Variants in BIRC3 observed in about 807,000 individuals in gnomAD.
BIRC3 encodes the protein baculoviral IAP repeat-containing protein 3.
A neutral mutation model predicts 59.0 loss-of-function variants in BIRC3; 26 were observed. That is an observed-to-expected ratio of 0.44 (90% CI 0.32 to 0.61). BIRC3 has a LOEUF of 0.61. Among genes scored for constraint, BIRC3 ranks in the 20% least tolerant of loss-of-function variants. The probability of loss-of-function intolerance (pLI) is 0.04; values close to 1 mark genes in which losing one functional copy is unlikely to be tolerated. For synonymous variants in BIRC3, 243 were observed against 249.2 expected, an observed-to-expected ratio of 0.98 and a Z score of 0.24; for missense variants, 641 against 711.5, an observed-to-expected ratio of 0.90 and a Z score of 1.13.
chr11:102,337,038 C>T lies in BIRC3; in HGVS notation c.1751C>T (p.Ser584Phe). 5 of 1,599,020 alleles carry T rather than the reference C, an allele frequency of 3.1e-6. No individual in the cohort carries two copies. The South Asian group carries it at 4.6e-5, about 15-fold the overall frequency. ...HLVVCKDCAP[S>F]LRKCPICRST... Reference sequence around the variant, plus strand: ...GTAGTATGCAAAGATTGTGCTCCTTCTTTAAGAAAGTGTCCTATTTGTAGG... The same window carrying T: ...GTAGTATGCAAAGATTGTGCTCCTTTTTTAAGAAAGTGTCCTATTTGTAGG... Residue 584 changes from serine to phenylalanine, a missense_variant, in exon 9 of 9, where the codon TCT becomes TTT. Physicochemically the swap from Ser to Phe is radical, Grantham distance 155 (BLOSUM62 -2). Around this residue, in one of 4 missense-constraint regions of BIRC3, gnomAD observed 41 missense variants for 73.4 expected, o/e 0.56. Transcript: ENST00000263464.
At position 102,324,400 on chromosome 11, in the gene BIRC3, T is replaced by C; in HGVS notation, c.-110T>C. 2 of 1,268,926 alleles carry C rather than the reference T, an allele frequency of 1.6e-6. No homozygotes were observed. The highest frequency in any genetic ancestry group is 2.1e-6 in the Non-Finnish European group (2 of 940,120). 78.6% of individuals were successfully genotyped at this position (1,268,926 alleles called of 1,614,324 possible). ...CATAGAAATAAAAATAATAAAAAAT[T>C]TTTCATTTTGGCTTTTCAGCCTAGT... On this transcript the variant is annotated 5_prime_UTR_variant, in exon 2 of 9. Coordinates refer to ENST00000263464, the MANE Select transcript of BIRC3 (RefSeq NM_001165.5).
In BIRC3 at chr11:102,338,579, G is replaced by A. The variant is rs1176764440; in HGVS notation, c.*1477G>A. ...ATATGATCTAATGGGAATAGACACA[G>A]GTTGGGGACCCAGCAAGGCCTGTCT... is the stretch of plus-strand genomic sequence containing the variant. On this transcript the variant is annotated 3_prime_UTR_variant, in exon 9 of 9. Transcript: ENST00000263464. 4.4e-6 allele frequency: 1 copy of A among 229,042 alleles called. No individual in the cohort carries two copies. Among genetic ancestry groups the A allele is most frequent in the African/African-American group, 2.2e-5 (1 of 45,084 alleles). The allele number at this position is 229,042 out of a possible 1,614,324, so 14.2% of individuals were successfully genotyped here.
chr11:102,331,299 T>A (rs1022185621), intron 6 of BIRC3, 58 bp downstream of exon 6: 133 of 1,456,026 alleles, frequency 9.1e-5, no homozygotes, highest in Middle Eastern at 2.2e-4. Context: ...AGTCTATATG[T>A]TATGAAAAAT....
At position 102,331,192 on chromosome 11, in the gene BIRC3, T is replaced by G; in HGVS notation, c.1275T>G (p.Asp425Glu). Residue 425 changes from aspartate to glutamate, a missense_variant, in exon 6 of 9, where the codon GAT becomes GAG. This residue lies in a region of BIRC3 where 268 missense variants were observed against 255.7 expected (regional missense o/e 1.05). Transcript: ENST00000263464. ...DLVLDLLNAE[D>E]EIREEERERA... ...TGTTAGACTTACTCAATGCAGAAGA[T>G]GAAATAAGGGAAGAGGAGAGAGAAA... 1 of 1,613,276 alleles carries G rather than the reference T, an allele frequency of 6.2e-7. No individual in the cohort carries two copies. Among genetic ancestry groups the G allele is most frequent in the Non-Finnish European group, 8.5e-7 (1 of 1,179,724 alleles).
chr11:102,337,689 G>T lies in BIRC3; in HGVS notation c.*587G>T. ...TTTAGGGACATGGTGTTTTTATAAA[G>T]AATTCTGTGAGAAAAAATTTAATAA... On this transcript the variant is annotated 3_prime_UTR_variant, in exon 9 of 9. Coordinates refer to ENST00000263464, the MANE Select transcript of BIRC3 (RefSeq NM_001165.5). 3.5e-6 allele frequency: 1 copy of T among 289,300 alleles called. No homozygotes were observed. Among genetic ancestry groups the T allele is most frequent in the Non-Finnish European group, 6.4e-6 (1 of 157,028 alleles). The allele number at this position is 289,300 out of a possible 1,614,324, so 17.9% of individuals were successfully genotyped here.
chr11:102,321,026 G>A (rs1437483797), intron 1 of BIRC3, among the ~76,000 whole-genome samples: 1 of 152,210 alleles, frequency 6.6e-6, no homozygotes, highest in Non-Finnish European at 1.5e-5. Context: ...ATTTAAACAT[G>A]TTGGCAATTA....
Position 102,328,899 on chromosome 11 carries a change from G to A in BIRC3, c.1035G>A (p.Leu345=). 3 of 1,305,646 alleles carry A rather than the reference G, an allele frequency of 2.3e-6. No homozygotes were observed. The highest frequency in any genetic ancestry group is 3.0e-6 in the Non-Finnish European group (3 of 1,007,978). The allele number at this position is 1,305,646 out of a possible 1,614,324, so 80.9% of individuals were successfully genotyped here. A position where few individuals can be genotyped will look rare whatever the true frequency, so the allele number is the denominator to read the frequency against. The change falls in exon 5 of 9, where the codon CTG becomes CTA. Residue 345 remains leucine, a splice_region_variant and synonymous_variant. Coordinates refer to ENST00000263464, the MANE Select transcript of BIRC3 (RefSeq NM_001165.5). ...QASYPHLLEQ[L]LSTSDSPGDE... is the part of the protein sequence containing the mutation. ...ATATATATTTTTTTTTTCTGCAGCT[G>A]CTATCCACATCAGACAGCCCAGGAG...
chr11:102,326,957 T>A (rs1951088967), intron 3 of BIRC3: 3 of 348,546 alleles, frequency 8.6e-6, no homozygotes, highest in South Asian at 6.4e-5. Flanking sequence ...TTTGAGGTGC[T>A]TGCCCGGCCA....
intron 1 of BIRC3, among the ~76,000 whole-genome samples, chr11:102,320,960 T>A (rs747658689): frequency 2.6e-5 from 4 of 152,210 alleles, no homozygotes; most frequent in Non-Finnish European, 5.9e-5. Context: ...TGTTGCTAGA[T>A]CTTTTGATGT....
At chr11:102,327,631 C>T (rs892461906) in intron 3 of BIRC3, among the ~76,000 whole-genome samples, 2 of 151,460 alleles carry the variant, frequency 1.3e-5, no homozygotes, top group Middle Eastern at 3.4e-3. Context: ...CAGAGCGAGA[C>T]TCTGTCTAAA....
chr11:102,328,689 A>C (rs1951108140), intron 4 of BIRC3, among the ~76,000 whole-genome samples: 1 of 152,134 alleles, frequency 6.6e-6, no homozygotes, highest in African/African-American at 2.4e-5. Context: ...ACACACACTG[A>C]AACTCTATTA....
rs190364614 is a variant in BIRC3 at position 102,338,355 on chromosome 11, A to C, written c.*1253A>C. On this transcript the variant is annotated 3_prime_UTR_variant, in exon 9 of 9. Coordinates refer to ENST00000263464, the MANE Select transcript of BIRC3 (RefSeq NM_001165.5). ...AAGGGCAGAAGGGAAAGACCCCTTCATAAGGGTCACAGCTGACAATCCTAT... is the reference window on the plus strand; with the variant it reads ...AAGGGCAGAAGGGAAAGACCCCTTCCTAAGGGTCACAGCTGACAATCCTAT... 1 of 228,744 alleles carries C rather than the reference A, an allele frequency of 4.4e-6. No individual in the cohort carries two copies. The highest frequency in any genetic ancestry group is 2.2e-5 in the African/African-American group (1 of 45,198). 14.2% of individuals were successfully genotyped at this position (228,744 alleles called of 1,614,324 possible).
intron 1 of BIRC3, among the ~76,000 whole-genome samples, chr11:102,318,765 A>C (rs1314274549): frequency 6.6e-6 from 1 of 152,218 alleles, no homozygotes; most frequent in African/African-American, 2.4e-5. Context: ...AAATGAAAGA[A>C]GAATCCCAAG....
At chr11:102,331,844 T>A (rs1951145379) in intron 6 of BIRC3, among the ~76,000 whole-genome samples, 1 of 152,164 alleles carries the variant, frequency 6.6e-6, no homozygotes, top group Admixed American at 6.5e-5. Context: ...TTTCTCCATG[T>A]TGGCCACACT....
Position 102,338,627 on chromosome 11 carries a change from G to C in BIRC3, c.*1525G>C, listed in dbSNP as rs978746492. Reference sequence around the variant, plus strand: ...TCTGTTCAGATTATTCTTGGTCTCTGTGCAGCATTCCTTCCTCCTGGATAT... The same window carrying C: ...TCTGTTCAGATTATTCTTGGTCTCTCTGCAGCATTCCTTCCTCCTGGATAT... On this transcript the variant is annotated 3_prime_UTR_variant, in exon 9 of 9. Transcript: ENST00000263464. The C allele has an allele frequency of 2.2e-5, 5 of 229,086 alleles. No homozygotes were observed. The highest frequency in any genetic ancestry group is 8.9e-5 in the African/African-American group (4 of 45,110). 14.2% of individuals were successfully genotyped at this position (229,086 alleles called of 1,614,324 possible).
intron 7 of BIRC3, 30 bp downstream of exon 7, chr11:102,336,250 T>G: frequency 6.4e-7 from 1 of 1,550,980 alleles, no homozygotes; most frequent in South Asian, 1.2e-5. Flanking sequence ...TTTTAAAAAT[T>G]TTCTAAGTCA....
intron 1 of BIRC3, among the ~76,000 whole-genome samples, chr11:102,321,594 A>G (rs1208009486): frequency 1.3e-5 from 2 of 152,160 alleles, no homozygotes; most frequent in Non-Finnish European, 2.9e-5. Context: ...ACCTCAAGTG[A>G]TCCACTTGTC....
chr11:102,328,880 AT>A lies in BIRC3; in HGVS notation c.1033-7del, dbSNP rs762000514. On this transcript the variant is annotated splice_polypyrimidine_tract_variant and intron_variant, in intron 4 of 8. Coordinates refer to ENST00000263464, the MANE Select transcript of BIRC3 (RefSeq NM_001165.5). Reference sequence around the variant, plus strand: ...AATTTATATATATATATATATATATATTTTTTTTTTCTGCAGCTGCTATCCA... The same window carrying A: ...AATTTATATATATATATATATATATATTTTTTTTTCTGCAGCTGCTATCCA... The A allele has an allele frequency of 3.0e-3, 1,289 of 426,266 alleles. 8 individuals carry two copies. The highest frequency in any genetic ancestry group is 0.02 in the Admixed American group (192 of 9,624). 26.4% of individuals were successfully genotyped at this position (426,266 alleles called of 1,614,324 possible).
chr11:102,320,650 A>G (rs1485836999), intron 1 of BIRC3, among the ~76,000 whole-genome samples: 1 of 152,212 alleles, frequency 6.6e-6, no homozygotes, highest in Non-Finnish European at 1.5e-5. Context: ...AAAGACAAAA[A>G]TTATCCTATT....
Sources: gnomAD v4.1 joint callset for allele counts (sites outside exome capture counted in the v4.1 genomes callset) on GRCh38, gnomAD v4.1.1 for gene constraint, gnomAD v4.1.1 regional missense constraint, MANE v1.5 for transcripts, NCBI Gene and HGNC (gene_info 2026-07-23, HGNC 2026-07-21) for gene names.